Variants in KIAA0040 observed in about 807,000 individuals in gnomAD.
KIAA0040 encodes the protein uncharacterized protein KIAA0040.
KIAA0040 carries 10 observed loss-of-function variants against 7.2 expected under a neutral mutation model. The observed-to-expected ratio is 1.38, with a 90% CI of 0.85 to 2.34. KIAA0040 has a LOEUF of 2.34. Ranked by LOEUF, KIAA0040 falls within the 30% of genes most tolerant of loss-of-function variation. KIAA0040 has a pLI of 0.00. For missense variants in KIAA0040, 89 were observed against 108.2 expected, an observed-to-expected ratio of 0.82 and a Z score of 0.79; for synonymous variants, 49 against 40.1, an observed-to-expected ratio of 1.22 and a Z score of -0.84.
chr1:175,181,457 T>G (rs938101664), intron 1 of KIAA0040, among the ~76,000 whole-genome samples: 1 of 152,222 alleles, frequency 6.6e-6, no homozygotes, highest in Non-Finnish European at 1.5e-5. Flanking sequence ...ACCTACTATG[T>G]GCATGAAGAA....
chr1:175,159,468 G>A lies in KIAA0040; in HGVS notation c.*1246C>T, dbSNP rs1190907899. 2 of 152,252 alleles carry A rather than the reference G, an allele frequency of 1.3e-5. No homozygotes were observed. Among genetic ancestry groups the A allele is most frequent in the Non-Finnish European group, 2.9e-5 (2 of 68,048 alleles). 9.4% of individuals were successfully genotyped at this position (152,252 alleles called of 1,614,324 possible). On this transcript the variant is annotated 3_prime_UTR_variant, in exon 4 of 4. Transcript: ENST00000423313. Reference sequence around the variant, plus strand: ...ACATATCCAACAGTAACCACAGTTAGTTATAAGTACCTACTGTGTGCAAGG... The same window carrying A: ...ACATATCCAACAGTAACCACAGTTAATTATAAGTACCTACTGTGTGCAAGG...
At chr1:175,185,939 G>C (rs778362296) in intron 1 of KIAA0040, among the ~76,000 whole-genome samples, 1 of 152,190 alleles carries the variant, frequency 6.6e-6, no homozygotes, top group Non-Finnish European at 1.5e-5. Flanking sequence ...GTAGCAAAAG[G>C]TCACATATTG....
At chr1:175,180,550 G>A (rs959962613) in intron 1 of KIAA0040, among the ~76,000 whole-genome samples, 30 of 152,208 alleles carry the variant, frequency 2.0e-4, no homozygotes, top group African/African-American at 7.2e-4. Context: ...TCAATATTTT[G>A]GGTTTGGAGA....
chr1:175,178,974 G>A (rs1028891329), intron 1 of KIAA0040, among the ~76,000 whole-genome samples: 1 of 150,522 alleles, frequency 6.6e-6, no homozygotes, highest in African/African-American at 2.4e-5. Context: ...ACGGGGCGGG[G>A]GGGGGGATAT....
chr1:175,178,109 T>A (rs1166342612), intron 1 of KIAA0040, among the ~76,000 whole-genome samples: 2 of 152,198 alleles, frequency 1.3e-5, no homozygotes, highest in African/African-American at 2.4e-5. Flanking sequence ...CTAAATCCCC[T>A]CTACAACCAG....
chr1:175,188,585 A>T lies in KIAA0040; in HGVS notation c.-384+4055T>A, dbSNP rs145430001. Among the ~76,000 whole-genome samples, 484 of 152,304 alleles carry T rather than the reference A, an allele frequency of 3.2e-3. 1 individual carries two copies. Among genetic ancestry groups the T allele is most frequent in the Non-Finnish European group, 5.4e-3 (366 of 68,034 alleles). On this transcript the variant is annotated intron_variant, in intron 1 of 3. Transcript: ENST00000423313. ...AATTTCAACTAATCCACTGGTCTCT[A>T]GCTCATTCTTATCTCTGAGGTGAAA...
At chr1:175,170,176 G>A (rs1336862833) in intron 2 of KIAA0040, among the ~76,000 whole-genome samples, 51 of 152,248 alleles carry the variant, frequency 3.3e-4, no homozygotes, top group Non-Finnish European at 1.0e-4. Flanking sequence ...CTCTGAAGTG[G>A]GAAAGCGCAT....
chr1:175,161,132 T>A lies in KIAA0040; in HGVS notation c.-119A>T. ...CCTCTTCCAGCTTTGGGTTTGGGCATGCCACTGGCAGCACCTGAAGAGATT... is the reference window on the plus strand; with the variant it reads ...CCTCTTCCAGCTTTGGGTTTGGGCAAGCCACTGGCAGCACCTGAAGAGATT... On this transcript the variant is annotated 5_prime_UTR_variant, in exon 4 of 4. It removes an upstream start codon present in the reference 5' UTR. Coordinates refer to ENST00000423313, the MANE Select transcript of KIAA0040 (RefSeq NM_014656.3). 1.1e-6 allele frequency: 1 copy of A among 871,814 alleles called. No individual in the cohort carries two copies. Among genetic ancestry groups the A allele is most frequent in the Non-Finnish European group, 1.8e-6 (1 of 571,244 alleles). 54.0% of individuals were successfully genotyped at this position (871,814 alleles called of 1,614,324 possible). A position where few individuals can be genotyped will look rare whatever the true frequency, so the allele number is the denominator to read the frequency against.
At chr1:175,165,423 A>C (rs1187942796) in intron 3 of KIAA0040, among the ~76,000 whole-genome samples, 3 of 152,252 alleles carry the variant, frequency 2.0e-5, no homozygotes, top group African/African-American at 7.2e-5. Context: ...TTATCTTGAA[A>C]TAACAATGGA....
rs756328515 is a variant in KIAA0040, at chr1:175,160,909, C to T, written c.105G>A (p.Leu35=). 13 of 1,551,440 alleles carry T rather than the reference C, an allele frequency of 8.4e-6. No individual in the cohort carries two copies. The highest frequency in any genetic ancestry group is 7.1e-5 in the South Asian group (6 of 84,042). ...NTICLGVLLG[L]PLLVIITLLF... is the part of the protein sequence containing the mutation. ...GGAGTGTGATGATCACCAAGAGTGG[C>T]AGGCCCAGGAGGACTCCCAGGCAGA... Residue 35 remains leucine (L), a synonymous_variant, in exon 4 of 4, where the codon CTG becomes CTA. Coordinates refer to ENST00000423313, the MANE Select transcript of KIAA0040 (RefSeq NM_014656.3).
At chr1:175,190,726 T>C (rs1392981081) in intron 1 of KIAA0040, among the ~76,000 whole-genome samples, 1 of 152,216 alleles carries the variant, frequency 6.6e-6, no homozygotes, top group Non-Finnish European at 1.5e-5. Context: ...TAATTATCTC[T>C]GCTTCCCATC....
rs1677724711 is a variant in KIAA0040 at position 175,187,895 on chromosome 1, T to C, written c.-384+4745A>G. On this transcript the variant is annotated intron_variant, in intron 1 of 3. Transcript: ENST00000423313. Reference sequence around the variant, plus strand: ...GCCAATTTTCTTTTTATGACTTGCCTGGGAAACTAAAAAAAAAATGCTGAT... The same window carrying C: ...GCCAATTTTCTTTTTATGACTTGCCCGGGAAACTAAAAAAAAAATGCTGAT... 2.6e-5 allele frequency among the ~76,000 whole-genome samples: 4 copies of C among 152,222 alleles called. No homozygotes were observed. In the South Asian group the frequency reaches 8.3e-4, roughly 32 times the overall value.
At chr1:175,167,232 T>G (rs921006054) in intron 2 of KIAA0040, among the ~76,000 whole-genome samples, 1 of 152,234 alleles carries the variant, frequency 6.6e-6, no homozygotes, top group African/African-American at 2.4e-5. Context: ...AAACTTATTT[T>G]AAAGCATTTC....
rs1676878099 is a variant in KIAA0040 at position 175,168,920 on chromosome 1, C to G, written c.-309-2183G>C. Among the ~76,000 whole-genome samples the G allele has an allele frequency of 2.0e-5, 3 of 152,240 alleles. No homozygotes were observed. The South Asian group carries it at 6.2e-4, about 31-fold the overall frequency. On this transcript the variant is annotated intron_variant, in intron 2 of 3. Coordinates refer to ENST00000423313, the MANE Select transcript of KIAA0040 (RefSeq NM_014656.3). Reference sequence around the variant, plus strand: ...TCTTCTCCCGGGCCCTCCCTGTTCTCTCTCTGCTTGCTCATTGGCTGGCCA... The same window carrying G: ...TCTTCTCCCGGGCCCTCCCTGTTCTGTCTCTGCTTGCTCATTGGCTGGCCA...
At chr1:175,182,624 C>T (rs1677483132) in intron 1 of KIAA0040, among the ~76,000 whole-genome samples, 1 of 152,232 alleles carries the variant, frequency 6.6e-6, no homozygotes. Flanking sequence ...CGCTCTCACC[C>T]AGCTTGTGTG....
intron 3 of KIAA0040, among the ~76,000 whole-genome samples, chr1:175,163,424 G>A (rs1264628602): frequency 1.3e-5 from 2 of 152,230 alleles, no homozygotes; most frequent in Non-Finnish European, 2.9e-5. Context: ...AAAGTATCCT[G>A]AGGAGTCATG....
In KIAA0040 at chr1:175,157,410, G is replaced by C. The variant is rs1480480407; in HGVS notation, c.*3304C>G. On this transcript the variant is annotated 3_prime_UTR_variant, in exon 4 of 4. Transcript: ENST00000423313. Reference sequence around the variant, plus strand: ...CTATGACTCTACCATGGCGAAGGCGGTGACCAGGGAGGGCTGGGACATTTG... The same window carrying C: ...CTATGACTCTACCATGGCGAAGGCGCTGACCAGGGAGGGCTGGGACATTTG... The C allele has an allele frequency of 6.6e-6, 1 of 152,254 alleles. No individual in the cohort carries two copies. Among genetic ancestry groups the C allele is most frequent in the Non-Finnish European group, 1.5e-5 (1 of 68,062 alleles). The allele number at this position is 152,254 out of a possible 1,614,324, so 9.4% of individuals were successfully genotyped here. A position where few individuals can be genotyped will look rare whatever the true frequency, so the allele number is the denominator to read the frequency against.
At chr1:175,172,503 C>T (rs370845749) in intron 2 of KIAA0040, among the ~76,000 whole-genome samples, 15 of 152,266 alleles carry the variant, frequency 9.9e-5, no homozygotes, top group South Asian at 6.2e-4. Flanking sequence ...TGCTTGAGCC[C>T]GGGAGTTTGA....
At chr1:175,185,584 A>G (rs1189177588) in intron 1 of KIAA0040, among the ~76,000 whole-genome samples, 2 of 152,260 alleles carry the variant, frequency 1.3e-5, no homozygotes, top group African/African-American at 4.8e-5. Context: ...TCAAGAAAGG[A>G]AAATGACTTT....
Sources: allele counts gnomAD v4.1 joint callset (sites outside exome capture counted in the v4.1 genomes callset), GRCh38; gene constraint gnomAD v4.1.1; transcripts MANE v1.5; gene names NCBI Gene and HGNC (gene_info 2026-07-23, HGNC 2026-07-21).